The following UPK3A variants were observed in gnomAD, a reference collection of about 807,000 sequenced individuals.
The protein encoded by UPK3A is uroplakin 3A.
Under a neutral mutation model 27.6 loss-of-function variants are expected in UPK3A, and 32 were observed. The ratio of observed to expected loss-of-function variants is 1.16; its 90% CI spans 0.87 to 1.55. The LOEUF (loss-of-function observed/expected upper bound fraction) is 1.55. Ranked by LOEUF, UPK3A falls within the 40% of genes most tolerant of loss-of-function variation. The pLI, the probability that UPK3A is intolerant of heterozygous loss-of-function variation, is 0.00. For missense variants in UPK3A, 370 were observed against 367.9 expected (o/e 1.01, Z -0.05); for synonymous variants, 171 against 163.9 (o/e 1.04, Z -0.33).
intron 1 of UPK3A, 112 bp from the exon 2 acceptor site, chr22:45,285,829 G>A (rs923681743): frequency 1.8e-5 from 27 of 1,494,654 alleles, no homozygotes; most frequent in East Asian, 2.4e-5. Flanking sequence ...GGTGGCCCAG[G>A]GGGAGGGTGA....
Position 45,287,314 on chromosome 22 carries a change from T to C in UPK3A, c.351T>C (p.Asp117=), listed in dbSNP as rs1201723027. The C allele has an allele frequency of 6.2e-7, 1 of 1,614,100 alleles. No homozygotes were observed. Among genetic ancestry groups the C allele is most frequent in the Non-Finnish European group, 8.5e-7 (1 of 1,180,050 alleles). The change falls in exon 3 of 6, where the codon GAT becomes GAC. Residue 117 remains aspartate, a synonymous_variant. Coordinates refer to ENST00000216211, the MANE Select transcript of UPK3A (RefSeq NM_006953.4). ...LIPCSDLPSL[D]AIGDVSKASQ... ...CCTGCAGTGACCTGCCCAGCCTGGA[T>C]GCCATTGGGGATGTGTCCAAGGCCT...
intron 5 of UPK3A, among the ~76,000 whole-genome samples, chr22:45,293,656 T>C (rs1371985897): frequency 6.6e-6 from 1 of 152,088 alleles, no homozygotes; most frequent in Non-Finnish European, 1.5e-5. Flanking sequence ...ATCTGGAAAA[T>C]GGAAATAATA....
chr22:45,294,416 C>A (rs1268382148), intron 5 of UPK3A, among the ~76,000 whole-genome samples: 1 of 151,326 alleles, frequency 6.6e-6, no homozygotes, highest in Non-Finnish European at 1.5e-5. Context: ...CTGGTACACC[C>A]CCCCCGGGAG....
rs2084125026 is a variant in UPK3A at position 45,287,268 on chromosome 22, C to G, written c.305C>G (p.Ala102Gly). Residue 102 changes from alanine to glycine, a missense_variant, in exon 3 of 6, where the codon GCT becomes GGT. Ala to Gly is a moderately conservative substitution (Grantham distance 60, BLOSUM62 0). Coordinates refer to ENST00000216211, the MANE Select transcript of UPK3A (RefSeq NM_006953.4). ...TEGGRTGPYK[A>G]VAFDLIPCSD... Reference sequence around the variant, plus strand: ...GGTGGGAGGACAGGTCCCTACAAAGCTGTGGCCTTTGACCTGATCCCCTGC... The same window carrying G: ...GGTGGGAGGACAGGTCCCTACAAAGGTGTGGCCTTTGACCTGATCCCCTGC... The G allele has an allele frequency of 6.2e-7, 1 of 1,614,248 alleles. No homozygotes were observed. Among genetic ancestry groups the G allele is most frequent in the African/African-American group, 1.3e-5 (1 of 75,066 alleles).
Position 45,287,531 on chromosome 22 carries a change from C to G in UPK3A, c.488+80C>G, listed in dbSNP as rs567624499. On this transcript the variant is annotated intron_variant, in intron 3 of 5. Transcript: ENST00000216211. ...AGGGAGAGCAGGGGCAAAGTAGGAG[C>G]AGCCACACTTCTTGAGAACTTATAT... The G allele has an allele frequency of 6.6e-6, 10 of 1,511,976 alleles. No individual in the cohort carries two copies. In the African/African-American group the frequency reaches 8.3e-5, roughly 13 times the overall value. The allele number at this position is 1,511,976 out of a possible 1,614,324, so 93.7% of individuals were successfully genotyped here.
Position 45,293,312 on chromosome 22 carries a change from G to T in UPK3A, c.703G>T (p.Val235Leu), listed in dbSNP as rs747509958. 6.2e-7 allele frequency: 1 copy of T among 1,613,776 alleles called. No homozygotes were observed. The highest frequency in any genetic ancestry group is 8.5e-7 in the Non-Finnish European group (1 of 1,180,022). Residue 235 changes from valine (V) to leucine (L), a missense_variant and splice_region_variant, in exon 5 of 6, where the codon GTG becomes TTG. Val to Leu is a conservative substitution (Grantham distance 32). Transcript: ENST00000216211. ...GFAGAIALSL[V>L]DMGSSDGETT... Reference sequence around the variant, plus strand: ...TGCTGGCGCCATTGCCCTCAGCCTCGTGTAAGTACCTGCCTGCTGGGAGGG... The same window carrying T: ...TGCTGGCGCCATTGCCCTCAGCCTCTTGTAAGTACCTGCCTGCTGGGAGGG...
chr22:45,295,252 G>A (rs115264073), intron 5 of UPK3A, among the ~76,000 whole-genome samples: 2 of 152,012 alleles, frequency 1.3e-5, no homozygotes, highest in Admixed American at 6.6e-5. Context: ...TCCATGCTGC[G>A]TGGTCATTGT....
intron 4 of UPK3A, among the ~76,000 whole-genome samples, chr22:45,291,280 A>G (rs1165027982): frequency 1.2e-4 from 13 of 108,262 alleles, no homozygotes; most frequent in African/African-American, 2.2e-4. Context: ...TGGGTGGTGT[A>G]TGTGGTGTGT....
At chr22:45,292,419 A>G (rs2084168254) in intron 4 of UPK3A, among the ~76,000 whole-genome samples, 1 of 152,192 alleles carries the variant, frequency 6.6e-6, no homozygotes, top group African/African-American at 2.4e-5. Flanking sequence ...AGTAGCTGCA[A>G]GTGGCTGGCT....
chr22:45,292,345 C>T (rs2084167856), intron 4 of UPK3A, among the ~76,000 whole-genome samples: 1 of 152,138 alleles, frequency 6.6e-6, no homozygotes, highest in Non-Finnish European at 1.5e-5. Context: ...TGGCTGGGGA[C>T]TCAGGCTCCC....
At chr22:45,293,566 G>A (rs1274500453) in intron 5 of UPK3A, among the ~76,000 whole-genome samples, 5 of 152,170 alleles carry the variant, frequency 3.3e-5, no homozygotes, top group Admixed American at 2.6e-4. Flanking sequence ...GCAGACAGCC[G>A]ATTCAGATCT....
Position 45,295,770 on chromosome 22 carries a change from G to C in UPK3A, c.*51G>C. ...CATCCTCCTCTCTGGCCTTGCCCCAGGCCCTGCAGCGGTGGTTGTCACACC... is the reference window on the plus strand; with the variant it reads ...CATCCTCCTCTCTGGCCTTGCCCCACGCCCTGCAGCGGTGGTTGTCACACC... On this transcript the variant is annotated 3_prime_UTR_variant, in exon 6 of 6. Transcript: ENST00000216211. The C allele has an allele frequency of 6.2e-7, 1 of 1,609,036 alleles. No individual in the cohort carries two copies. Among genetic ancestry groups the C allele is most frequent in the African/African-American group, 1.3e-5 (1 of 74,934 alleles).
intron 4 of UPK3A, among the ~76,000 whole-genome samples, chr22:45,291,914 TGGTGTGTGA>T (rs1465913110): frequency 2.0e-5 from 3 of 151,438 alleles, no homozygotes; most frequent in African/African-American, 7.3e-5. Context: ...GTGTGGTGTG[TGGTGTGTGA>T]GAGTGTGGCA....
intron 4 of UPK3A, among the ~76,000 whole-genome samples, chr22:45,292,297 C>A (rs1481892076): frequency 6.6e-6 from 1 of 152,186 alleles, no homozygotes; most frequent in Admixed American, 6.5e-5. Flanking sequence ...ACCTCAGGAC[C>A]AGGCTGGCCC....
At chr22:45,291,557 AGTGTGTGTGC>A (rs2084161325) in intron 4 of UPK3A, among the ~76,000 whole-genome samples, 1 of 141,936 alleles carries the variant, frequency 7.0e-6, no homozygotes, top group African/African-American at 2.7e-5. Context: ...AGAGTGTGGC[AGTGTGTGTGC>A]GTGTGTAAGA....
chr22:45,286,031 T>G lies in UPK3A; in HGVS notation c.143T>G (p.Met48Arg). The G allele has an allele frequency of 1.2e-6, 2 of 1,614,176 alleles. No homozygotes were observed. The highest frequency in any genetic ancestry group is 1.7e-6 in the Non-Finnish European group (2 of 1,180,028). Residue 48 changes from methionine to arginine, a missense_variant, in exon 2 of 6, where the codon ATG becomes AGG. Coordinates refer to ENST00000216211, the MANE Select transcript of UPK3A (RefSeq NM_006953.4). ...TTVALEKPLC[M>R]FDSKEALTGT... ...GTGGCCTTGGAAAAGCCTCTCTGCA[T>G]GTTTGACAGCAAAGAGGCCCTCACT...
At chr22:45,294,188 A>T (rs2084180330) in intron 5 of UPK3A, among the ~76,000 whole-genome samples, 1 of 152,108 alleles carries the variant, frequency 6.6e-6, no homozygotes, top group African/African-American at 2.4e-5. Context: ...GGCCCAGGGG[A>T]CTTTGAAGAC....
At chr22:45,291,350 C>G (rs1284496656) in intron 4 of UPK3A, among the ~76,000 whole-genome samples, 1 of 133,192 alleles carries the variant, frequency 7.5e-6, no homozygotes, top group Admixed American at 7.6e-5. Flanking sequence ...GAGAGTATGT[C>G]TGGTGTGTGT....
chr22:45,295,621 C>G lies in UPK3A; in HGVS notation c.766C>G (p.Pro256Ala). The change falls in exon 6 of 6, where the codon CCC (proline) becomes GCC (alanine). Residue 256 changes from proline (P) to alanine (A), a missense_variant. Pro to Ala is a conservative substitution (Grantham distance 27, BLOSUM62 -1). Transcript: ENST00000216211. ...CTCCCAAATCACTCAGGAGGCTGTT[C>G]CCAAGTCGCTGGGGGCCTCGGAGTC... ...HDSQITQEAV[P>A]KSLGASESSY... 1 of 1,613,958 alleles carries G rather than the reference C, an allele frequency of 6.2e-7. No homozygotes were observed. The highest frequency in any genetic ancestry group is 8.5e-7 in the Non-Finnish European group (1 of 1,180,014).
Sources: gnomAD v4.1 joint callset for allele counts (sites outside exome capture counted in the v4.1 genomes callset) on GRCh38, gnomAD v4.1.1 for gene constraint, MANE v1.5 for transcripts, NCBI Gene and HGNC (gene_info 2026-07-23, HGNC 2026-07-21) for gene names.